The following TOGARAM2 variants were observed in gnomAD, a reference collection of about 807,000 sequenced individuals.
TOGARAM2 encodes the protein TOG array regulator of axonemal microtubules protein 2.
A neutral mutation model predicts 93.3 loss-of-function variants in TOGARAM2; 85 were observed. The observed-to-expected ratio is 0.91, with a 90% confidence interval of 0.76 to 1.09. The LOEUF is 1.09. TOGARAM2 is among the 50% of genes least tolerant of loss of function. The probability of loss-of-function intolerance (pLI) is 0.00; values close to 1 mark genes in which losing one functional copy is unlikely to be tolerated. For synonymous variants in TOGARAM2, 593 were observed against 552.8 expected, an observed-to-expected ratio of 1.07 and a Z score of -1.02; for missense variants, 1,277 against 1,334.5, an observed-to-expected ratio of 0.96 and a Z score of 0.67.
chr2:29,033,284 T>A, intron 15 of TOGARAM2, 185 bp from the exon 16 acceptor site: 2 of 686,576 alleles, frequency 2.9e-6, no homozygotes, highest in Admixed American at 5.5e-5. Context: ...CATGCCTTCA[T>A]CTGTTAACCA....
chr2:29,002,676 G>A lies in TOGARAM2; in HGVS notation c.568G>A (p.Val190Ile). The A allele has an allele frequency of 6.2e-7, 1 of 1,614,034 alleles. No individual in the cohort carries two copies. The highest frequency in any genetic ancestry group is 1.1e-5 in the South Asian group (1 of 91,082). The change falls in exon 5 of 20, where the codon GTC becomes ATC. Residue 190 changes from valine to isoleucine, a missense_variant. By Grantham distance (29) the Val-to-Ile change is conservative (BLOSUM62 3). Coordinates refer to ENST00000379558, the MANE Select transcript of TOGARAM2 (RefSeq NM_199280.4). ...SIPTTPEASG[V>I]KEKGLDLPGS... ...CCCTACCACCCCTGAGGCCAGCGGA[G>A]TCAAAGAGAAGGGCCTGGACCTACC...
intron 6 of TOGARAM2, among the ~76,000 whole-genome samples, chr2:29,006,206 TG>T (rs958514948): frequency 3.4e-5 from 5 of 148,682 alleles, no homozygotes; most frequent in African/African-American, 1.2e-4. Context: ...TGTGAGTGCA[TG>T]TGTTTGTGTG....
intron 1 of TOGARAM2, among the ~76,000 whole-genome samples, chr2:28,969,018 C>T (rs557831431): frequency 6.6e-6 from 1 of 151,930 alleles, no homozygotes; most frequent in South Asian, 2.1e-4. Flanking sequence ...AGTCTGAGTG[C>T]CAGGAAGATC....
At chr2:28,993,496 G>A (rs1672839002) in intron 1 of TOGARAM2, among the ~76,000 whole-genome samples, 1 of 152,192 alleles carries the variant, frequency 6.6e-6, no homozygotes, top group South Asian at 2.1e-4. Context: ...ATCTTCCCTC[G>A]CCTTGTCTAG....
chr2:29,048,474 G>A (rs1328839561), intron 19 of TOGARAM2: 3 of 152,062 alleles, frequency 2.0e-5, no homozygotes, highest in South Asian at 2.1e-4. Context: ...CAGAAACTAC[G>A]TCCCCATTAG....
chr2:29,031,701 A>G (rs551058525), intron 14 of TOGARAM2, among the ~76,000 whole-genome samples: 2 of 152,308 alleles, frequency 1.3e-5, no homozygotes, highest in South Asian at 2.1e-4. Flanking sequence ...TACCTGACCT[A>G]AGGAAGAAAA....
At chr2:29,044,336 G>C in intron 18 of TOGARAM2, among the ~76,000 whole-genome samples, 1 of 152,214 alleles carries the variant, frequency 6.6e-6, no homozygotes, top group East Asian at 1.9e-4. Flanking sequence ...CAGACCACCT[G>C]GAGTTTACAA....
At chr2:29,051,063 G>A (rs11695674) in intron 19 of TOGARAM2, 13,943 of 152,250 alleles carry the variant, frequency 0.092, 695 homozygotes, top group East Asian at 0.15. Context: ...TTTGGCATCC[G>A]GGCACCGGGG....
At chr2:29,002,487 T>TC (rs755571675) in intron 4 of TOGARAM2, 49 bp from the exon 5 acceptor site, 3 of 1,550,432 alleles carry the variant, frequency 1.9e-6, no homozygotes, top group Non-Finnish European at 2.6e-6. Context: ...CACCTTCCAC[T>TC]CCCTGTTCTT....
At chr2:28,995,802 G>A (rs1163890586) in intron 2 of TOGARAM2, among the ~76,000 whole-genome samples, 1 of 152,252 alleles carries the variant, frequency 6.6e-6, no homozygotes, top group Non-Finnish European at 1.5e-5. Flanking sequence ...CAGACTAGGA[G>A]TCTTGCAGCC....
intron 1 of TOGARAM2, among the ~76,000 whole-genome samples, chr2:28,958,300 T>C (rs1013936126): frequency 6.7e-6 from 1 of 149,206 alleles, no homozygotes; most frequent in African/African-American, 2.5e-5. Context: ...TAGACCTTGT[T>C]TTTTTTTTTT....
rs774108660 is a variant in TOGARAM2 at position 29,014,554 on chromosome 2, G to A, written c.1037G>A (p.Gly346Asp). The A allele has an allele frequency of 6.4e-7, 1 of 1,566,950 alleles. No homozygotes were observed. Among genetic ancestry groups the A allele is most frequent in the South Asian group, 1.2e-5 (1 of 85,120 alleles). ...AAAGAAGAGGACCAGAAGGAGATCG[G>A]CACCAAGGTACCTGGGGAGCGGGAG... is the stretch of plus-strand genomic sequence containing the variant. ...PLKEEDQKEIGTKIQVTISKS... is the reference protein window; with the variant it reads ...PLKEEDQKEIDTKIQVTISKS... Residue 346 changes from glycine (G) to aspartate (D), a missense_variant, in exon 8 of 20, where the codon GGC (glycine) becomes GAC (aspartate). Gly to Asp is a moderately conservative substitution (Grantham distance 94). Transcript: ENST00000379558.
chr2:29,004,915 T>G, intron 6 of TOGARAM2, among the ~76,000 whole-genome samples: 1 of 16,216 alleles, frequency 6.2e-5, no homozygotes, highest in African/African-American at 1.1e-4. Context: ...TGTGTGTGCA[T>G]GTGTACGTGT....
intron 1 of TOGARAM2, among the ~76,000 whole-genome samples, chr2:28,960,468 A>C (rs2148212510): frequency 6.6e-6 from 1 of 152,222 alleles, no homozygotes; most frequent in East Asian, 1.9e-4. Flanking sequence ...GTTTCTTTTC[A>C]AATCAGGATC....
At chr2:28,994,689 C>A in intron 1 of TOGARAM2, 36 bp from the exon 2 acceptor site, 1 of 735,006 alleles carries the variant, frequency 1.4e-6, no homozygotes. Flanking sequence ...TGTTAATTTG[C>A]TTTTACTGAC....
intron 6 of TOGARAM2, among the ~76,000 whole-genome samples, chr2:29,009,783 A>G (rs1664111167): frequency 1.3e-5 from 2 of 151,496 alleles, no homozygotes; most frequent in South Asian, 4.2e-4. Context: ...CTCCTGCTCC[A>G]CCCACCTCCT....
At chr2:29,024,815 A>AC (rs1278873161) in intron 13 of TOGARAM2, among the ~76,000 whole-genome samples, 2 of 151,954 alleles carry the variant, frequency 1.3e-5, no homozygotes, top group African/African-American at 4.8e-5. Context: ...AGCTCCTGTC[A>AC]CCCCCAGGAG....
rs1329000241 is a variant in TOGARAM2, at chr2:28,999,297, G to T, written c.256G>T (p.Ala86Ser). 1 of 1,613,878 alleles carries T rather than the reference G, an allele frequency of 6.2e-7. No homozygotes were observed. The highest frequency in any genetic ancestry group is 1.7e-5 in the Admixed American group (1 of 60,008). ...GGACACCCCTTCCAAGGGCTGGCAG[G>T]CAAGGAATGGTCACCCCAGGAACCT... ...KLDTPSKGWQ[A>S]RNGHPRNLRA... Residue 86 changes from alanine to serine, a missense_variant, in exon 4 of 20, where the codon GCA becomes TCA. Ala to Ser is a moderately conservative substitution (Grantham distance 99). Transcript: ENST00000379558.
rs1461954936 is a variant in TOGARAM2 at position 28,965,868 on chromosome 2, C to T, written c.-147+9171C>T. ...TGCCTGATTCCTGGAGGCCTTGCTTCCTCTGTTACCCTTCTCTTAGGAATT... is the reference window on the plus strand; with the variant it reads ...TGCCTGATTCCTGGAGGCCTTGCTTTCTCTGTTACCCTTCTCTTAGGAATT... On this transcript the variant is annotated intron_variant, in intron 1 of 6. Transcript: ENST00000401723. Among the ~76,000 whole-genome samples, 4 of 152,268 alleles carry T rather than the reference C, an allele frequency of 2.6e-5. No individual in the cohort carries two copies. The East Asian group carries it at 5.8e-4, about 22-fold the overall frequency.
Sources: gnomAD v4.1 joint callset for allele counts (sites outside exome capture counted in the v4.1 genomes callset) on GRCh38, gnomAD v4.1.1 for gene constraint, MANE v1.5 for transcripts, NCBI Gene and HGNC (gene_info 2026-07-23, HGNC 2026-07-21) for gene names.